Variants in PTPN22 observed in about 807,000 individuals in gnomAD.
The protein encoded by PTPN22 is protein tyrosine phosphatase non-receptor type 22.
PTPN22 carries 85 observed loss-of-function variants against 103.3 expected under a neutral mutation model. The observed-to-expected ratio is 0.82, with a 90% confidence interval of 0.69 to 0.99. The LOEUF (loss-of-function observed/expected upper bound fraction) is 0.99, where lower values mean the gene tolerates loss of function less well. PTPN22 is among the 50% of genes least tolerant of loss of function. The probability of loss-of-function intolerance (pLI) is 0.00; values close to 1 mark genes in which losing one functional copy is unlikely to be tolerated. For synonymous variants in PTPN22, 323 were observed against 310.2 expected, an observed-to-expected ratio of 1.04 and a Z score of -0.43; for missense variants, 865 against 936.9, an observed-to-expected ratio of 0.92 and a Z score of 1.00.
chr1:113,855,143 T>G lies in PTPN22; in HGVS notation c.541-94A>C, dbSNP rs1664933362. 4.5e-6 allele frequency: 5 copies of G among 1,116,136 alleles called. No homozygotes were observed. The South Asian group carries it at 7.3e-5, about 16-fold the overall frequency. The allele number at this position is 1,116,136 out of a possible 1,614,324, so 69.1% of individuals were successfully genotyped here. A position where few individuals can be genotyped will look rare whatever the true frequency, so the allele number is the denominator to read the frequency against. On this transcript the variant is annotated intron_variant, in intron 7 of 20. Transcript: ENST00000359785. ...CTCACTACCTGGGTGATGGGATTAT[T>G]CAGTGGCATGCATGCAACAAACCTG...
intron 1 of PTPN22, among the ~76,000 whole-genome samples, chr1:113,866,427 C>T (rs1011394932): frequency 1.3e-5 from 2 of 152,026 alleles, no homozygotes; most frequent in East Asian, 3.9e-4. Context: ...AGGAGAATAG[C>T]TTGAACCCGG....
At chr1:113,829,898 T>G in intron 17 of PTPN22, 51 bp downstream of exon 17, 1 of 1,479,322 alleles carries the variant, frequency 6.8e-7, no homozygotes, top group Non-Finnish European at 9.4e-7. Context: ...TTGTTAATCT[T>G]TTAACATTTT....
intron 11 of PTPN22, among the ~76,000 whole-genome samples, chr1:113,842,686 TAAAC>T (rs143959041): frequency 0.045 from 6,792 of 150,904 alleles, 516 homozygotes; most frequent in African/African-American, 0.16. Context: ...GACAAACAAA[TAAAC>T]AAAAAACAGA....
At chr1:113,841,837 A>G (rs964312478) in intron 11 of PTPN22, among the ~76,000 whole-genome samples, 2 of 152,050 alleles carry the variant, frequency 1.3e-5, no homozygotes, top group Non-Finnish European at 2.9e-5. Context: ...TCCTGACCTC[A>G]AGTGATCTGC....
intron 11 of PTPN22, among the ~76,000 whole-genome samples, chr1:113,848,278 T>G (rs1265504838): frequency 6.6e-6 from 1 of 151,744 alleles, no homozygotes; most frequent in Non-Finnish European, 1.5e-5. Context: ...ACTCCTGACC[T>G]CAGGTGATCT....
chr1:113,834,483 T>C, intron 14 of PTPN22, 44 bp from the exon 15 acceptor site: 1 of 1,558,824 alleles, frequency 6.4e-7, no homozygotes, highest in Non-Finnish European at 8.8e-7. Flanking sequence ...AATAGTATTC[T>C]TTTAGACATC....
At chr1:113,864,381 C>A (rs1279596693) in intron 1 of PTPN22, 7 of 207,214 alleles carry the variant, frequency 3.4e-5, no homozygotes, top group Non-Finnish European at 5.8e-5. Flanking sequence ...CAGAGCAAGA[C>A]CCTGTCTCCA....
At chr1:113,824,118 T>TG (rs1661844365) in intron 19 of PTPN22, among the ~76,000 whole-genome samples, 1 of 152,036 alleles carries the variant, frequency 6.6e-6, no homozygotes, top group African/African-American at 2.4e-5. Flanking sequence ...TTTTTTTTTT[T>TG]TGAGACGGAG....
intron 7 of PTPN22, 44 bp from the exon 8 acceptor site, chr1:113,855,093 G>GA: frequency 6.6e-7 from 1 of 1,522,342 alleles, no homozygotes. Flanking sequence ...GGCAAGGGCT[G>GA]AAAAACCACC....
intron 11 of PTPN22, among the ~76,000 whole-genome samples, chr1:113,847,304 AT>A (rs1664179188): frequency 1.7e-5 from 1 of 57,166 alleles, no homozygotes; most frequent in South Asian, 4.3e-4. Context: ...TACCTTTTTT[AT>A]TTTTTTATAT....
At chr1:113,834,009 G>A (rs1238991978) in intron 15 of PTPN22, among the ~76,000 whole-genome samples, 1 of 152,172 alleles carries the variant, frequency 6.6e-6, no homozygotes, top group African/African-American at 2.4e-5. Context: ...CAACCTGGAG[G>A]CATCTCCTAC....
intron 5 of PTPN22, 114 bp downstream of exon 5, chr1:113,857,624 G>A: frequency 1.1e-6 from 1 of 924,300 alleles, no homozygotes; most frequent in East Asian, 2.7e-5. Flanking sequence ...TGAAAACTAT[G>A]AAGATGACAT....
rs891915946 is a variant in PTPN22 at position 113,863,153 on chromosome 1, C to T, written c.88-3693G>A. Among the ~76,000 whole-genome samples, 5 of 152,146 alleles carry T rather than the reference C, an allele frequency of 3.3e-5. No individual in the cohort carries two copies. The South Asian group carries it at 6.2e-4, about 19-fold the overall frequency. Reference sequence around the variant, plus strand: ...TGTCACCCAGCAGAGAGTTCAGTGGCGCAATCTTGGCTCACTGCAACCTCT... The same window carrying T: ...TGTCACCCAGCAGAGAGTTCAGTGGTGCAATCTTGGCTCACTGCAACCTCT... On this transcript the variant is annotated intron_variant, in intron 1 of 20. Coordinates refer to ENST00000359785, the Ensembl canonical transcript of PTPN22.
intron 18 of PTPN22, among the ~76,000 whole-genome samples, chr1:113,827,365 G>A (rs1254420820): frequency 2.6e-5 from 4 of 152,034 alleles, no homozygotes; most frequent in Admixed American, 6.6e-5. Flanking sequence ...ACCACTGTTA[G>A]TTTTTTATCC....
chr1:113,856,641 A>G (rs1195886665), intron 5 of PTPN22, 22 bp from the exon 6 acceptor site: 3 of 1,614,118 alleles, frequency 1.9e-6, no homozygotes, highest in Non-Finnish European at 2.5e-6. Flanking sequence ...AGCAGAATAC[A>G]GTGATTTCCC....
intron 18 of PTPN22, among the ~76,000 whole-genome samples, 170 bp downstream of exon 18, chr1:113,829,422 G>A (rs1041844361): frequency 1.3e-5 from 2 of 151,724 alleles, no homozygotes; most frequent in African/African-American, 4.8e-5. Flanking sequence ...TCTTTAAGTT[G>A]TATTTTTTCT....
chr1:113,817,075 C>A (rs1242702385), intron 20 of PTPN22, among the ~76,000 whole-genome samples: 3 of 152,230 alleles, frequency 2.0e-5, no homozygotes, highest in East Asian at 3.9e-4. Context: ...AGTTGATGTA[C>A]ATTTTACTCT....
intron 20 of PTPN22, among the ~76,000 whole-genome samples, chr1:113,816,268 T>C (rs1661137445): frequency 6.7e-6 from 1 of 149,928 alleles, no homozygotes; most frequent in Admixed American, 6.6e-5. Context: ...AGCCGAGGAG[T>C]TCAAGACCAG....
chr1:113,825,040 T>C, intron 19 of PTPN22, 102 bp downstream of exon 19: 1 of 853,792 alleles, frequency 1.2e-6, no homozygotes, highest in Non-Finnish European at 1.8e-6. Context: ...GAGGCTCTGT[T>C]TAGGAATAAT....
Sources: gnomAD v4.1 joint callset for allele counts (sites outside exome capture counted in the v4.1 genomes callset) on GRCh38, gnomAD v4.1.1 for gene constraint, MANE v1.5 for transcripts, NCBI Gene and HGNC (gene_info 2026-07-23, HGNC 2026-07-21) for gene names.